Variants in CSMD1 observed in about 807,000 individuals in gnomAD.
The protein encoded by CSMD1 is CUB and sushi domain-containing protein 1.
In CSMD1, 213 loss-of-function variants were observed where a neutral mutation model predicts 417.5. That is an observed-to-expected ratio of 0.51 (90% CI 0.46 to 0.57). The LOEUF (loss-of-function observed/expected upper bound fraction) is 0.57. Ranked by LOEUF, CSMD1 falls within the 20% of genes least tolerant of loss-of-function variation. The pLI, the probability that CSMD1 is intolerant of heterozygous loss-of-function variation, is 0.00. For missense variants in CSMD1, 6,923 were observed against 4,529.7 expected, an observed-to-expected ratio of 1.53 and a Z score of -15.17; for synonymous variants, 2,862 against 1,736.8, an observed-to-expected ratio of 1.65 and a Z score of -16.11.
chr8:3,584,490 C>G (rs1800515608), intron 9 of CSMD1, among the ~76,000 whole-genome samples: 1 of 152,138 alleles, frequency 6.6e-6, no homozygotes, highest in African/African-American at 2.4e-5. Flanking sequence ...AATGTCTCCA[C>G]CTTCAGCCTG....
chr8:4,341,678 G>A (rs748052220), intron 3 of CSMD1, among the ~76,000 whole-genome samples: 21 of 152,096 alleles, frequency 1.4e-4, no homozygotes, highest in African/African-American at 1.9e-4. Flanking sequence ...GCAAAGCGAC[G>A]CAGTCAAGAT....
At chr8:4,705,005 C>T (rs1304751100) in intron 1 of CSMD1, among the ~76,000 whole-genome samples, 2 of 152,134 alleles carry the variant, frequency 1.3e-5, no homozygotes, top group East Asian at 3.9e-4. Context: ...AGGAAGCGTC[C>T]TGTAATTTTG....
At position 3,401,094 on chromosome 8, in the gene CSMD1, C is replaced by G. The variant is rs539513560; in HGVS notation, c.2267-1565G>C. ...GTTTTTTAAAGCAATGCAACACATT[C>G]TTTTATGAATACAACATAAGCAAAA... On this transcript the variant is annotated intron_variant, in intron 15 of 69. Transcript: ENST00000635120. 9.2e-5 allele frequency among the ~76,000 whole-genome samples: 14 copies of G among 151,786 alleles called. No homozygotes were observed. The South Asian group carries it at 1.9e-3, about 20-fold the overall frequency.
intron 26 of CSMD1, among the ~76,000 whole-genome samples, chr8:3,275,130 A>G (rs1802180599): frequency 6.6e-6 from 1 of 152,144 alleles, no homozygotes; most frequent in Admixed American, 6.5e-5. Flanking sequence ...CCTGGTAGTG[A>G]CAAAATCTCT....
chr8:4,055,493 T>C (rs987504331), intron 3 of CSMD1, among the ~76,000 whole-genome samples: 2 of 151,996 alleles, frequency 1.3e-5, no homozygotes, highest in Non-Finnish European at 2.9e-5. Flanking sequence ...GTAAAGCATT[T>C]CATATAAATA....
chr8:4,230,859 A>G lies in CSMD1; in HGVS notation c.415+189094T>C, dbSNP rs141018029. Among the ~76,000 whole-genome samples, 6 of 152,268 alleles carry G rather than the reference A, an allele frequency of 3.9e-5. 1 individual carries two copies. The highest frequency in any genetic ancestry group is 1.4e-4 in the African/African-American group (6 of 41,562). On this transcript the variant is annotated intron_variant, in intron 3 of 69. Transcript: ENST00000635120. ...TTTGTGGTTAGGAACAATCGATTAT[A>G]GATTCTTTAACGGCACTAACTTGAG... is the stretch of plus-strand genomic sequence containing the variant.
chr8:4,131,833 G>A lies in CSMD1; in HGVS notation c.416-99734C>T, dbSNP rs560566148. Among the ~76,000 whole-genome samples the A allele has an allele frequency of 6.7e-5, 9 of 133,616 alleles. 1 individual carries two copies. The East Asian group carries it at 1.9e-3, about 27-fold the overall frequency. 87.7% of individuals were successfully genotyped at this position (133,616 alleles called of 152,430 possible). A position where few individuals can be genotyped will look rare whatever the true frequency, so the allele number is the denominator to read the frequency against. ...GCTGGACTGCAGTGGTGCGATCCCG[G>A]CTCACTGCAAGCTCCATCTCCCAGG... On this transcript the variant is annotated intron_variant, in intron 3 of 69. Transcript: ENST00000635120.
At chr8:4,879,571 A>AT (rs1803267175) in intron 1 of CSMD1, among the ~76,000 whole-genome samples, 2 of 152,052 alleles carry the variant, frequency 1.3e-5, no homozygotes, top group Admixed American at 1.3e-4. Context: ...TTCTAGGGAG[A>AT]TTTTTATAAA....
At chr8:4,724,933 G>T (rs962737389) in intron 1 of CSMD1, among the ~76,000 whole-genome samples, 3 of 152,034 alleles carry the variant, frequency 2.0e-5, no homozygotes, top group Non-Finnish European at 4.4e-5. Context: ...TTTTAAGAAG[G>T]TTGTTACAGT....
chr8:4,830,000 T>G (rs748272407), intron 1 of CSMD1, among the ~76,000 whole-genome samples: 1 of 152,194 alleles, frequency 6.6e-6, no homozygotes, highest in African/African-American at 2.4e-5. Flanking sequence ...CTTTCCGTGC[T>G]CTCGTGATGA....
chr8:3,821,953 G>T (rs150980933), intron 5 of CSMD1, among the ~76,000 whole-genome samples: 138 of 152,268 alleles, frequency 9.1e-4, no homozygotes, highest in African/African-American at 1.4e-3. Flanking sequence ...TACATTTCCA[G>T]GCCCTTCTCT....
chr8:3,658,900 C>T (rs1390038161), intron 7 of CSMD1, among the ~76,000 whole-genome samples: 1 of 152,180 alleles, frequency 6.6e-6, no homozygotes, highest in Non-Finnish European at 1.5e-5. Context: ...TTTGCCATTT[C>T]AATTAATAAT....
chr8:3,619,628 G>C (rs143182977), intron 7 of CSMD1, among the ~76,000 whole-genome samples: 29 of 152,190 alleles, frequency 1.9e-4, no homozygotes, highest in African/African-American at 7.0e-4. Context: ...TAAACATCAA[G>C]AGATCCACAG....
intron 37 of CSMD1, among the ~76,000 whole-genome samples, chr8:3,177,188 T>A (rs927476346): frequency 3.0e-4 from 45 of 152,152 alleles, no homozygotes; most frequent in Non-Finnish European, 5.7e-4. Flanking sequence ...ATCAGCTTAA[T>A]AAACACCAAC....
rs532588877 is a variant in CSMD1 at position 3,484,763 on chromosome 8, G to A, written c.1448+8860C>T. Among the ~76,000 whole-genome samples, 8 of 152,244 alleles carry A rather than the reference G, an allele frequency of 5.3e-5. No individual in the cohort carries two copies. In the South Asian group the frequency reaches 1.7e-3, roughly 32 times the overall value. On this transcript the variant is annotated intron_variant, in intron 11 of 69. Coordinates refer to ENST00000635120, the MANE Select transcript of CSMD1 (RefSeq NM_033225.6). ...GTAAGAAACATCCGCTTAGAAAATG[G>A]GAAAAAGACTTAGACATTTTGCCAA...
At chr8:3,243,459 C>G (rs1468882727) in intron 26 of CSMD1, among the ~76,000 whole-genome samples, 1 of 140,810 alleles carries the variant, frequency 7.1e-6, no homozygotes, top group Non-Finnish European at 1.5e-5. Context: ...AGGAAAATTA[C>G]AGTCAAAGGG....
chr8:3,507,549 T>G (rs1011911349), intron 10 of CSMD1, among the ~76,000 whole-genome samples: 31 of 152,182 alleles, frequency 2.0e-4, no homozygotes, highest in African/African-American at 6.8e-4. Context: ...CAAATGGTAT[T>G]TCTAGTTCTA....
rs137933180 is a variant in CSMD1, at chr8:3,501,722, G to C, written c.1345-7996C>G. 9.1e-3 allele frequency among the ~76,000 whole-genome samples: 1,392 copies of C among 152,138 alleles called. 23 individuals are homozygous for C. Among genetic ancestry groups the C allele is most frequent in the African/African-American group, 0.032 (1,326 of 41,502 alleles). ...AAAACATGATAACAAGTTTATGTCT[G>C]GAAATTATTAACACGGTTGCAAGAA... On this transcript the variant is annotated intron_variant, in intron 10 of 69. Transcript: ENST00000635120.
At chr8:4,393,212 T>A (rs78578808) in intron 3 of CSMD1, among the ~76,000 whole-genome samples, 3 of 151,872 alleles carry the variant, frequency 2.0e-5, no homozygotes, top group South Asian at 2.1e-4. Flanking sequence ...CTCAGCTAAA[T>A]TGATCTACCC....
Sources: gnomAD v4.1 joint callset for allele counts (sites outside exome capture counted in the v4.1 genomes callset) on GRCh38, gnomAD v4.1.1 for gene constraint, MANE v1.5 for transcripts, NCBI Gene and HGNC (gene_info 2026-07-23, HGNC 2026-07-21) for gene names.